The following PRKG1 variants were observed in gnomAD, a reference collection of about 807,000 sequenced individuals.
The protein encoded by PRKG1 is protein kinase cGMP-dependent 1.
Under a neutral mutation model 88.1 loss-of-function variants are expected in PRKG1, and 35 were observed. That is an observed-to-expected ratio of 0.40 (90% CI 0.30 to 0.53). PRKG1 has a LOEUF of 0.53. PRKG1 is among the 20% of genes least tolerant of loss of function. The pLI, the probability that PRKG1 is intolerant of heterozygous loss-of-function variation, is 0.59. For missense variants in PRKG1, 540 were observed against 839.8 expected (o/e 0.64, Z 4.41); for synonymous variants, 303 against 292.5 (o/e 1.04, Z -0.37).
intron 1 of PRKG1, among the ~76,000 whole-genome samples, chr10:51,030,708 G>A (rs1324387100): frequency 2.0e-5 from 3 of 152,056 alleles, no homozygotes; most frequent in Non-Finnish European, 4.4e-5. Flanking sequence ...TGCTCTATTA[G>A]GTCATGCCAG....
chr10:52,223,344 T>A (rs889189924), intron 9 of PRKG1, among the ~76,000 whole-genome samples: 11 of 152,130 alleles, frequency 7.2e-5, no homozygotes, highest in African/African-American at 2.4e-4. Context: ...GAACTATCTG[T>A]AATTATTGAC....
At chr10:52,267,896 GTTGAA>G (rs1458817060) in intron 10 of PRKG1, among the ~76,000 whole-genome samples, 6 of 152,062 alleles carry the variant, frequency 3.9e-5, no homozygotes, top group Non-Finnish European at 7.4e-5. Context: ...TAGAAACAAT[GTTGAA>G]TTGAACATTC....
At chr10:52,223,165 T>C (rs889311678) in intron 9 of PRKG1, among the ~76,000 whole-genome samples, 2 of 152,164 alleles carry the variant, frequency 1.3e-5, no homozygotes, top group African/African-American at 4.8e-5. Context: ...TGACTGCTAA[T>C]CCAGTTCTTT....
chr10:51,863,492 ATTC>A (rs1840938565), intron 4 of PRKG1, among the ~76,000 whole-genome samples: 1 of 151,918 alleles, frequency 6.6e-6, no homozygotes, highest in South Asian at 2.1e-4. Flanking sequence ...TCTTGCCTTT[ATTC>A]TTTAAGTCAT....
chr10:51,960,566 T>C (rs1843422987), intron 5 of PRKG1, among the ~76,000 whole-genome samples: 1 of 151,952 alleles, frequency 6.6e-6, no homozygotes, highest in African/African-American at 2.4e-5. Context: ...GTCACATTGA[T>C]TCTATATCGT....
chr10:51,094,599 G>A (rs1055861036), intron 1 of PRKG1, among the ~76,000 whole-genome samples: 1 of 151,804 alleles, frequency 6.6e-6, no homozygotes, highest in African/African-American at 2.4e-5. Context: ...ATGTAGAATG[G>A]ATTCTGTAAC....
chr10:51,197,497 C>T (rs2132050178), intron 2 of PRKG1, among the ~76,000 whole-genome samples: 1 of 152,078 alleles, frequency 6.6e-6, no homozygotes, highest in African/African-American at 2.4e-5. Context: ...ATCTCAAAAA[C>T]TCCTGACCTC....
At chr10:51,051,646 A>T (rs1399964144) in intron 1 of PRKG1, among the ~76,000 whole-genome samples, 1 of 152,132 alleles carries the variant, frequency 6.6e-6, no homozygotes, top group Non-Finnish European at 1.5e-5. Context: ...ACTGGCCTTT[A>T]CTTAAAAATA....
chr10:51,744,669 G>A (rs1837531625), intron 3 of PRKG1, among the ~76,000 whole-genome samples: 1 of 152,126 alleles, frequency 6.6e-6, no homozygotes. Context: ...TTTTATGACT[G>A]GAGATTTTTG....
chr10:51,076,856 C>T (rs763264956), intron 1 of PRKG1, among the ~76,000 whole-genome samples: 1 of 152,192 alleles, frequency 6.6e-6, no homozygotes, highest in Non-Finnish European at 1.5e-5. Context: ...TATCAAACAA[C>T]ACTGTGTGTC....
intron 7 of PRKG1, among the ~76,000 whole-genome samples, chr10:52,112,124 T>C (rs1223168841): frequency 1.3e-5 from 2 of 152,180 alleles, no homozygotes; most frequent in Non-Finnish European, 2.9e-5. Flanking sequence ...AGAATAATCT[T>C]CCTTCTATCA....
intron 2 of PRKG1, among the ~76,000 whole-genome samples, chr10:51,293,699 C>T (rs1840642458): frequency 6.6e-6 from 1 of 152,126 alleles, no homozygotes; most frequent in South Asian, 2.1e-4. Flanking sequence ...GTGCAGATAT[C>T]TCTTCAACAT....
intron 9 of PRKG1, among the ~76,000 whole-genome samples, chr10:52,171,839 A>G (rs1171935561): frequency 1.8e-5 from 2 of 113,040 alleles, no homozygotes; most frequent in East Asian, 3.0e-4. Flanking sequence ...TCTGTCGCCC[A>G]GGTCGGACTG....
At chr10:51,099,201 C>T (rs1485805035) in intron 1 of PRKG1, among the ~76,000 whole-genome samples, 2 of 152,034 alleles carry the variant, frequency 1.3e-5, no homozygotes, top group African/African-American at 4.8e-5. Flanking sequence ...GTATAGTAGC[C>T]TCATACCAAC....
At chr10:51,698,054 G>A in intron 3 of PRKG1, 1 of 1,614,018 alleles carries the variant, frequency 6.2e-7, no homozygotes, top group East Asian at 2.2e-5. Flanking sequence ...CCCCACCCCT[G>A]AAATGCCTGG....
intron 3 of PRKG1, among the ~76,000 whole-genome samples, chr10:51,546,984 T>G (rs1430093351): frequency 6.6e-6 from 1 of 152,140 alleles, no homozygotes; most frequent in Non-Finnish European, 1.5e-5. Flanking sequence ...CAGTTCTAGT[T>G]GAACCTCCTA....
At chr10:52,225,580 G>C (rs1418641229) in intron 9 of PRKG1, among the ~76,000 whole-genome samples, 1 of 152,086 alleles carries the variant, frequency 6.6e-6, no homozygotes, top group Non-Finnish European at 1.5e-5. Context: ...TGTCTAGAAG[G>C]GTTTTTCCAA....
intron 3 of PRKG1, among the ~76,000 whole-genome samples, chr10:51,621,975 C>A (rs1322610538): frequency 1.3e-5 from 2 of 152,178 alleles, no homozygotes; most frequent in East Asian, 3.8e-4. Flanking sequence ...TGAAATACAA[C>A]TTGCCATCAG....
rs766333327 is a variant in PRKG1, at chr10:52,133,789, T to A, written c.936-51T>A. 1.4e-5 allele frequency: 20 copies of A among 1,463,568 alleles called. No homozygotes were observed. The East Asian group carries it at 3.4e-4, about 25-fold the overall frequency. 90.7% of individuals were successfully genotyped at this position (1,463,568 alleles called of 1,614,324 possible). ...CCTGAATTAATCACAATGGACACTGTGCTTTGATATTAAAGGTTATTTTAT... is the reference window on the plus strand; with the variant it reads ...CCTGAATTAATCACAATGGACACTGAGCTTTGATATTAAAGGTTATTTTAT... On this transcript the variant is annotated intron_variant, in intron 7 of 17. Coordinates refer to ENST00000373980, the MANE Select transcript of PRKG1 (RefSeq NM_006258.4).
Sources: allele counts gnomAD v4.1 joint callset (sites outside exome capture counted in the v4.1 genomes callset), GRCh38; gene constraint gnomAD v4.1.1; transcripts MANE v1.5; gene names NCBI Gene and HGNC (gene_info 2026-07-23, HGNC 2026-07-21).